STK36: variants seen among roughly 807,000 people sequenced by gnomAD.
STK36 encodes the protein serine/threonine-protein kinase 36.
Under a neutral mutation model 142.2 loss-of-function variants are expected in STK36, and 116 were observed. The observed-to-expected ratio is 0.82, with a 90% confidence interval of 0.70 to 0.95. The LOEUF is 0.95. Ranked by LOEUF, STK36 falls within the 40% of genes least tolerant of loss-of-function variation. The pLI is 0.00. For synonymous variants in STK36, 619 were observed against 641.7 expected (o/e 0.96, Z 0.53); for missense variants, 1,422 against 1,617.2 (o/e 0.88, Z 2.07).
chr2:218,681,137 T>A (rs1466668904), intron 10 of STK36, among the ~76,000 whole-genome samples: 1 of 152,042 alleles, frequency 6.6e-6, no homozygotes, highest in East Asian at 1.9e-4. Context: ...TCGTTTTTTT[T>A]TTTTTTTCGA....
rs1180103062 is a variant in STK36 at position 218,673,704 on chromosome 2, T to C, written c.164T>C (p.Met55Thr). 2 of 1,614,068 alleles carry C rather than the reference T, an allele frequency of 1.2e-6. No homozygotes were observed. Among genetic ancestry groups the C allele is most frequent in the African/African-American group, 1.3e-5 (1 of 74,926 alleles). The change falls in exon 3 of 27, where the codon ATG becomes ACG. Residue 55 changes from methionine to threonine, a missense_variant. By Grantham distance (81) the Met-to-Thr change is moderately conservative (BLOSUM62 -1). Coordinates refer to ENST00000295709, the MANE Select transcript of STK36 (RefSeq NM_015690.5). ...LRNLQREIEI[M>T]RGLRHPNIVH... Reference sequence around the variant, plus strand: ...AATTTGCAACGAGAGATTGAAATAATGCGGGGTCTGCGGCATCCCAACATT... The same window carrying C: ...AATTTGCAACGAGAGATTGAAATAACGCGGGGTCTGCGGCATCCCAACATT...
rs1326948514 is a variant in STK36 at position 218,697,078 on chromosome 2, G to C, written c.2626G>C (p.Glu876Gln). Residue 876 changes from glutamate to glutamine, a missense_variant, in exon 23 of 27, where the codon GAA becomes CAA. By Grantham distance (29) the Glu-to-Gln change is conservative. This residue lies in a region of STK36 where 962 missense variants were observed against 1,167.5 expected (regional missense o/e 0.82). Coordinates refer to ENST00000295709, the MANE Select transcript of STK36 (RefSeq NM_015690.5). Reference protein sequence around the residue: ...ASLIRDMSSSEMWTVLWHRFS... With the variant: ...ASLIRDMSSSQMWTVLWHRFS... Reference sequence around the variant, plus strand: ...CCTAATCAGGGATATGTCCAGTTCAGAAATGTGGACCGTTTTGTGGCACCG... The same window carrying C: ...CCTAATCAGGGATATGTCCAGTTCACAAATGTGGACCGTTTTGTGGCACCG... 6.2e-7 allele frequency: 1 copy of C among 1,614,166 alleles called. No homozygotes were observed. The highest frequency in any genetic ancestry group is 1.1e-5 in the South Asian group (1 of 91,086).
intron 4 of STK36, 122 bp from the exon 5 acceptor site, chr2:218,675,221 A>G: frequency 1.9e-6 from 2 of 1,059,022 alleles, no homozygotes; most frequent in Non-Finnish European, 2.7e-6. Flanking sequence ...GAATAGTGTG[A>G]AGCTCTGCAA....
At chr2:218,673,520 C>T in intron 2 of STK36, 105 bp from the exon 3 acceptor site, 1 of 1,433,356 alleles carries the variant, frequency 7.0e-7, no homozygotes, top group Non-Finnish European at 9.3e-7. Context: ...AAGAGTTACT[C>T]AAACACTCTA....
chr2:218,697,956 C>T lies in STK36; in HGVS notation c.3012C>T (p.Val1004=), dbSNP rs1941299668. The change falls in exon 25 of 27, where the codon GTC becomes GTT. Residue 1004 remains valine, a synonymous_variant. Transcript: ENST00000295709. ...TGGATGCTGACCTCCTTATAGGTGT[C>T]TTGGCCGACCTCAGGGACTCAGAAG... ...LDMDADLLIG[V]LADLRDSEVA... is the part of the protein sequence containing the mutation. 6.2e-7 allele frequency: 1 copy of T among 1,614,072 alleles called. No homozygotes were observed.
chr2:218,673,254 A>G (rs1940071214), intron 2 of STK36: 2 of 364,052 alleles, frequency 5.5e-6, no homozygotes, highest in Non-Finnish European at 9.9e-6. Flanking sequence ...CTGTTAGTAA[A>G]CAACAAATAT....
intron 26 of STK36, among the ~76,000 whole-genome samples, chr2:218,700,980 C>A (rs1204545108): frequency 6.7e-6 from 1 of 149,984 alleles, no homozygotes; most frequent in African/African-American, 2.5e-5. Context: ...CCTCTGCATT[C>A]CAGCCTGGGT....
chr2:218,687,412 A>G (rs1358897419), intron 11 of STK36, among the ~76,000 whole-genome samples: 3 of 152,086 alleles, frequency 2.0e-5, no homozygotes, highest in Admixed American at 6.6e-5. Context: ...ATCCATCTTG[A>G]GCTAATTTTT....
rs745664970 is a variant in STK36 at position 218,679,944 on chromosome 2, G to C, written c.1000G>C (p.Val334Leu). The C allele has an allele frequency of 6.2e-6, 10 of 1,614,194 alleles. No homozygotes were observed. Among genetic ancestry groups the C allele is most frequent in the Non-Finnish European group, 8.5e-6 (10 of 1,180,018 alleles). Residue 334 changes from valine to leucine, a missense_variant, in exon 9 of 27, where the codon GTG becomes CTG. Coordinates refer to ENST00000295709, the MANE Select transcript of STK36 (RefSeq NM_015690.5). ...ALEQEDKTSK[V>L]APGTAPLPRL... ...TGAGCAAGAGGACAAGACCAGCAAG[G>C]TGGCTCCTGGCACAGCCCCTCTGCC...
At chr2:218,688,418 G>A in intron 11 of STK36, 1 of 578,196 alleles carries the variant, frequency 1.7e-6, no homozygotes, top group South Asian at 1.5e-5. Flanking sequence ...GGAGGGAGCA[G>A]ATGGGAATGG....
chr2:218,688,184 T>C (rs1426316949), intron 11 of STK36, among the ~76,000 whole-genome samples: 1 of 152,030 alleles, frequency 6.6e-6, no homozygotes, highest in Non-Finnish European at 1.5e-5. Flanking sequence ...AGGGCAAAAA[T>C]AAATAAAAAT....
At position 218,692,563 on chromosome 2, in the gene STK36, C is replaced by T; in HGVS notation, c.1916-20C>T. On this transcript the variant is annotated intron_variant, in intron 15 of 26. Coordinates refer to ENST00000295709, the MANE Select transcript of STK36 (RefSeq NM_015690.5). ...CAAGAGCCTCAGGCCTTTGGAGTTACTCTTTGCTTTTCTCCACAGGAGCCC... is the reference window on the plus strand; with the variant it reads ...CAAGAGCCTCAGGCCTTTGGAGTTATTCTTTGCTTTTCTCCACAGGAGCCC... 1 of 1,603,904 alleles carries T rather than the reference C, an allele frequency of 6.2e-7. No homozygotes were observed. The highest frequency in any genetic ancestry group is 1.3e-5 in the African/African-American group (1 of 74,940).
chr2:218,685,292 A>G (rs113034947), intron 11 of STK36, 64 bp downstream of exon 11: 26 of 1,588,772 alleles, frequency 1.6e-5, no homozygotes, highest in Non-Finnish European at 2.2e-5. Context: ...GCATTGAAAT[A>G]CACTGACTTC....
intron 21 of STK36, 110 bp from the exon 22 acceptor site, chr2:218,696,417 G>C: frequency 1.1e-6 from 1 of 899,706 alleles, no homozygotes; most frequent in African/African-American, 1.6e-5. Flanking sequence ...TCTACCTTCC[G>C]GTTGACTCTC....
chr2:218,690,303 ATGTG>A, intron 13 of STK36, 143 bp from the exon 14 acceptor site: 1 of 700,908 alleles, frequency 1.4e-6, no homozygotes. Context: ...TGGAGGGTGT[ATGTG>A]TGTGTGTGGC....
rs146150859 is a variant in STK36 at position 218,678,210 on chromosome 2, A to G, written c.685-958A>G. ...AAGCAATCTTCCTGTCTCAACTCCT[A>G]AAGAGTTAGGATTACAAGCATGAGC... On this transcript the variant is annotated intron_variant, in intron 6 of 26. Transcript: ENST00000295709. 4.6e-5 allele frequency among the ~76,000 whole-genome samples: 7 copies of G among 152,190 alleles called. No individual in the cohort carries two copies. In the East Asian group the frequency reaches 1.4e-3, roughly 29 times the overall value.
chr2:218,695,286 C>T (rs1176347633), intron 21 of STK36, among the ~76,000 whole-genome samples: 1 of 133,372 alleles, frequency 7.5e-6, no homozygotes, highest in Non-Finnish European at 1.5e-5. Context: ...AGTGCCATGG[C>T]GCGATCTCGG....
intron 5 of STK36, 99 bp from the exon 6 acceptor site, chr2:218,675,930 C>T (rs1940220986): frequency 2.0e-6 from 3 of 1,476,980 alleles, no homozygotes; most frequent in Admixed American, 3.7e-5. Context: ...ATCAAAGGTG[C>T]TCCCTCTGCT....
chr2:218,699,327 A>G lies in STK36; in HGVS notation c.3783A>G (p.Gln1261=), dbSNP rs142754786. 18 of 1,613,866 alleles carry G rather than the reference A, an allele frequency of 1.1e-5. No homozygotes were observed. The African/African-American group carries it at 2.4e-4, about 22-fold the overall frequency. Residue 1261 remains glutamine, a synonymous_variant, in exon 26 of 27, where the codon CAA becomes CAG. Coordinates refer to ENST00000295709, the MANE Select transcript of STK36 (RefSeq NM_015690.5). ...EAALIALRSL[Q]QEPGIHQVLV... is the part of the protein sequence containing the mutation. ...CCCTCATTGCCCTCCGGAGCCTGCA[A>G]CAGGAGCCTGGCATCCATCAGGTAT...
Sources: gnomAD v4.1 joint callset for allele counts (sites outside exome capture counted in the v4.1 genomes callset) on GRCh38, gnomAD v4.1.1 for gene constraint, gnomAD v4.1.1 regional missense constraint, MANE v1.5 for transcripts, NCBI Gene and HGNC (gene_info 2026-07-23, HGNC 2026-07-21) for gene names.